Variants in PPFIA1 observed in about 807,000 individuals in gnomAD.
The protein encoded by PPFIA1 is liprin-alpha-1.
PPFIA1 carries 25 observed loss-of-function variants against 149.9 expected under a neutral mutation model. That is an observed-to-expected ratio of 0.17 (90% CI 0.12 to 0.23). PPFIA1 has a LOEUF of 0.23. Among genes scored for constraint, PPFIA1 ranks in the 10% least tolerant of loss-of-function variants. The pLI, the probability that PPFIA1 is intolerant of heterozygous loss-of-function variation, is 1.00. For synonymous variants in PPFIA1, 549 were observed against 552.8 expected (o/e 0.99, Z 0.10); for missense variants, 1,362 against 1,506.5 (o/e 0.90, Z 1.59).
chr11:70,367,363 C>G (rs889034665), intron 21 of PPFIA1: 2 of 361,400 alleles, frequency 5.5e-6, no homozygotes, highest in Non-Finnish European at 1.1e-5. Flanking sequence ...GACATCAAGG[C>G]GTGGTCAAAA....
intron 10 of PPFIA1, among the ~76,000 whole-genome samples, chr11:70,333,830 C>A (rs187664844): frequency 6.6e-6 from 1 of 152,138 alleles, no homozygotes; most frequent in African/African-American, 2.4e-5. Flanking sequence ...GCTTGTCTAG[C>A]GGCCTATCAG....
At chr11:70,325,722 A>C (rs1371408179) in intron 5 of PPFIA1, 148 bp downstream of exon 5, 1 of 569,558 alleles carries the variant, frequency 1.8e-6, no homozygotes, top group African/African-American at 2.0e-5. Flanking sequence ...ACCTGAGGTC[A>C]GGAGTTCCAA....
In PPFIA1 at chr11:70,362,171, C is replaced by A. The variant is rs2056689345; in HGVS notation, c.2659C>A (p.Leu887Ile). The A allele has an allele frequency of 1.2e-6, 2 of 1,614,084 alleles. No homozygotes were observed. The highest frequency in any genetic ancestry group is 1.7e-6 in the Non-Finnish European group (2 of 1,180,026). The change falls in exon 20 of 28, where the codon CTA becomes ATA. Residue 887 changes from leucine (L) to isoleucine (I), a missense_variant. Around this residue, in one of 7 missense-constraint regions of PPFIA1, gnomAD observed 91 missense variants for 91.2 expected, o/e 1.00. Transcript: ENST00000253925. ...GGACGGGCCAACGGTTGTGGTCTGG[C>A]TAGAGGTACATCCTTCATTTAACAT... ...QWDGPTVVVW[L>I]ELWVGMPAWY...
intron 2 of PPFIA1, among the ~76,000 whole-genome samples, chr11:70,288,709 C>T (rs1012802448): frequency 5.9e-5 from 9 of 152,160 alleles, no homozygotes; most frequent in East Asian, 5.8e-4. Flanking sequence ...TAGAGTCAGG[C>T]GTCGTCATTA....
chr11:70,295,206 G>A (rs1186372407), intron 2 of PPFIA1, among the ~76,000 whole-genome samples: 9 of 142,374 alleles, frequency 6.3e-5, no homozygotes, highest in Non-Finnish European at 1.1e-4. Context: ...CCTCCCTCCC[G>A]GACGGGGTGG....
At chr11:70,355,123 T>C (rs1338962741) in intron 17 of PPFIA1, among the ~76,000 whole-genome samples, 1 of 152,130 alleles carries the variant, frequency 6.6e-6, no homozygotes, top group Non-Finnish European at 1.5e-5. Flanking sequence ...CAGGCTGGTC[T>C]CGAACTCCTG....
intron 13 of PPFIA1, 121 bp from the exon 14 acceptor site, chr11:70,339,050 C>T (rs1287495963): frequency 2.5e-6 from 3 of 1,214,298 alleles, no homozygotes; most frequent in Middle Eastern, 5.1e-4. Context: ...GAGCAGTGCC[C>T]TCCCTGGAGA....
At chr11:70,370,096 A>G (rs2057155321) in intron 21 of PPFIA1, among the ~76,000 whole-genome samples, 1 of 151,684 alleles carries the variant, frequency 6.6e-6, no homozygotes, top group African/African-American at 2.4e-5. Flanking sequence ...GATTACAGGC[A>G]TGTGCCACCA....
Position 70,362,453 on chromosome 11 carries a change from C to A in PPFIA1, c.2830C>A (p.Leu944Met), listed in dbSNP as rs1182233221. ...LRLAIQEIMSLTSPSAPPTSR... is the reference protein window; with the variant it reads ...LRLAIQEIMSMTSPSAPPTSR... ...GCTGGCCATCCAGGAGATCATGTCG[C>A]TGACCAGCCCGTCTGCCCCGCCCAC... The change falls in exon 21 of 28, where the codon CTG becomes ATG. Residue 944 changes from leucine (L) to methionine (M), a missense_variant. This residue lies in a region of PPFIA1 where 349 missense variants were observed against 373.3 expected (regional missense o/e 0.93). Coordinates refer to ENST00000253925, the MANE Select transcript of PPFIA1 (RefSeq NM_003626.5). 6.2e-7 allele frequency: 1 copy of A among 1,614,108 alleles called. No individual in the cohort carries two copies. The highest frequency in any genetic ancestry group is 8.5e-7 in the Non-Finnish European group (1 of 1,179,976).
intron 14 of PPFIA1, 88 bp downstream of exon 14, chr11:70,339,394 G>C: frequency 6.9e-7 from 1 of 1,456,878 alleles, no homozygotes; most frequent in African/African-American, 1.4e-5. Flanking sequence ...TAAAAATGTT[G>C]ATAGGTCATT....
chr11:70,372,220 C>T lies in PPFIA1; in HGVS notation c.2871C>T (p.Leu957=), dbSNP rs775502696. Residue 957 remains leucine (L), a synonymous_variant, in exon 22 of 28, where the codon CTC becomes CTT. Coordinates refer to ENST00000253925, the MANE Select transcript of PPFIA1 (RefSeq NM_003626.5). ...TTTCCATTTATGAAAAGCAGACACTCGCCTATGGGGACATGAACCACGAGT... is the reference window on the plus strand; with the variant it reads ...TTTCCATTTATGAAAAGCAGACACTTGCCTATGGGGACATGAACCACGAGT... ...PSAPPTSRTT[L]AYGDMNHEWI... The T allele has an allele frequency of 1.6e-5, 25 of 1,605,806 alleles. No homozygotes were observed. The highest frequency in any genetic ancestry group is 1.1e-4 in the South Asian group (10 of 89,196).
intron 2 of PPFIA1, among the ~76,000 whole-genome samples, chr11:70,292,097 A>G (rs887788344): frequency 2.6e-5 from 4 of 151,986 alleles, no homozygotes; most frequent in Non-Finnish European, 5.9e-5. Context: ...TCTGCCTCCC[A>G]AAGTGCTAGG....
intron 2 of PPFIA1, among the ~76,000 whole-genome samples, chr11:70,302,760 C>G (rs1024168510): frequency 6.7e-6 from 1 of 150,144 alleles, no homozygotes; most frequent in Non-Finnish European, 1.5e-5. Flanking sequence ...CGTAGATACT[C>G]TCAACACCAT....
chr11:70,339,243 C>G lies in PPFIA1; in HGVS notation c.1644C>G (p.Thr548=). ...ACGGCCACACAGACTCCTACAGCAC[C>G]AGTGCAGTGCTGCGGCGCCCACAGA... is the stretch of plus-strand genomic sequence containing the variant. ...MADGHTDSYS[T]SAVLRRPQKG... Residue 548 remains threonine, a synonymous_variant, in exon 14 of 28, where the codon ACC becomes ACG. Transcript: ENST00000253925. The G allele has an allele frequency of 1.2e-6, 2 of 1,614,158 alleles. No homozygotes were observed. The highest frequency in any genetic ancestry group is 1.7e-6 in the Non-Finnish European group (2 of 1,179,976).
chr11:70,320,598 C>T (rs1018243377), intron 2 of PPFIA1, among the ~76,000 whole-genome samples: 26 of 151,402 alleles, frequency 1.7e-4, no homozygotes, highest in Non-Finnish European at 8.8e-5. Flanking sequence ...CCACCATGCC[C>T]GGCTAATTTT....
intron 16 of PPFIA1, 94 bp downstream of exon 16, chr11:70,348,514 A>AT: frequency 2.9e-6 from 3 of 1,023,780 alleles, no homozygotes; most frequent in Non-Finnish European, 4.4e-6. Context: ...AATCAAGTAC[A>AT]TTCGTTATTC....
At chr11:70,357,362 C>T (rs2056409341) in intron 19 of PPFIA1, among the ~76,000 whole-genome samples, 1 of 152,136 alleles carries the variant, frequency 6.6e-6, no homozygotes, top group South Asian at 2.1e-4. Context: ...CCTTTAGCCC[C>T]TAGAGTTGCC....
At chr11:70,367,732 G>A (rs1295127496) in intron 21 of PPFIA1, 1 of 383,762 alleles carries the variant, frequency 2.6e-6, no homozygotes, top group Admixed American at 3.4e-5. Flanking sequence ...AAACAAGTAG[G>A]GTTCTGCTTC....
chr11:70,276,020 T>C (rs1184681708), intron 2 of PPFIA1, among the ~76,000 whole-genome samples: 2 of 152,220 alleles, frequency 1.3e-5, no homozygotes, highest in African/African-American at 4.8e-5. Context: ...TTAAAAACCA[T>C]GAGCAGGTAT....
Sources: allele counts gnomAD v4.1 joint callset (sites outside exome capture counted in the v4.1 genomes callset), GRCh38; gene constraint gnomAD v4.1.1; regional missense constraint gnomAD v4.1.1; transcripts MANE v1.5; gene names NCBI Gene and HGNC (gene_info 2026-07-23, HGNC 2026-07-21).